SHISAL2A: variants seen among roughly 807,000 people sequenced by gnomAD.
SHISAL2A encodes shisa like 2A.
SHISAL2A carries 18 observed loss-of-function variants against 11.5 expected under a neutral mutation model. The observed-to-expected ratio is 1.57, with a 90% confidence interval of 1.08 to 2.33. The LOEUF is 2.33. Among genes scored for constraint, SHISAL2A ranks in the 30% most tolerant of loss-of-function variants. The pLI, the probability that SHISAL2A is intolerant of heterozygous loss-of-function variation, is 0.00. For missense variants in SHISAL2A, 261 were observed against 250.9 expected (o/e 1.04, Z -0.27); for synonymous variants, 94 against 99.6 (o/e 0.94, Z 0.34).
At chr1:52,665,224 A>C (rs1004229175) in intron 4 of SHISAL2A, among the ~76,000 whole-genome samples, 2 of 152,248 alleles carry the variant, frequency 1.3e-5, no homozygotes, top group Non-Finnish European at 2.9e-5. Flanking sequence ...CAATTGTCAG[A>C]CTGTTCAATT....
chr1:52,654,297 A>C (rs1179136926), intron 2 of SHISAL2A, among the ~76,000 whole-genome samples: 1 of 151,916 alleles, frequency 6.6e-6, no homozygotes, highest in Non-Finnish European at 1.5e-5. Context: ...TAATTCTCAA[A>C]TTTATATATA....
chr1:52,645,075 A>T (rs1271893950), intron 2 of SHISAL2A, among the ~76,000 whole-genome samples: 4 of 151,360 alleles, frequency 2.6e-5, no homozygotes, highest in Non-Finnish European at 5.9e-5. Flanking sequence ...GGCATCGGGG[A>T]GGTAGAAGGG....
At chr1:52,660,425 G>A (rs1691881486), downstream of SHISAL2A, among the ~76,000 whole-genome samples, 1 of 152,184 alleles carries the variant, frequency 6.6e-6, no homozygotes. Context: ...CCCACCCTGT[G>A]TGATAGGAGC....
At chr1:52,644,370 C>T (rs1691446201) in intron 2 of SHISAL2A, among the ~76,000 whole-genome samples, 2 of 152,216 alleles carry the variant, frequency 1.3e-5, no homozygotes, top group Admixed American at 6.5e-5. Flanking sequence ...GTCATTCACA[C>T]TGGGCACCAC....
intron 2 of SHISAL2A, among the ~76,000 whole-genome samples, chr1:52,645,032 AAAGAAG>A (rs1168355517): frequency 5.3e-5 from 8 of 150,976 alleles, no homozygotes; most frequent in East Asian, 3.9e-4. Context: ...AAAAAAAAAA[AAAGAAG>A]AAGAAGAAGA....
At chr1:52,653,286 C>CG (rs1691712272) in intron 2 of SHISAL2A, among the ~76,000 whole-genome samples, 1 of 36,424 alleles carries the variant, frequency 2.7e-5, no homozygotes, top group Admixed American at 4.6e-4. Context: ...CCTGTCTCTA[C>CG]AAAAAAAAAA....
At chr1:52,664,121 G>T (rs1308856311) in intron 4 of SHISAL2A, among the ~76,000 whole-genome samples, 2 of 152,052 alleles carry the variant, frequency 1.3e-5, no homozygotes, top group Non-Finnish European at 1.5e-5. Context: ...CGAAACCTTG[G>T]CATATGGAAA....
chr1:52,633,484 G>C lies in SHISAL2A; in HGVS notation c.-10G>C. 6.7e-7 allele frequency: 1 copy of C among 1,486,188 alleles called. No homozygotes were observed. The highest frequency in any genetic ancestry group is 8.9e-7 in the Non-Finnish European group (1 of 1,124,952). 92.1% of individuals were successfully genotyped at this position (1,486,188 alleles called of 1,614,324 possible). On this transcript the variant is annotated 5_prime_UTR_variant, in exon 1 of 3. Coordinates refer to ENST00000517870, the MANE Select transcript of SHISAL2A (RefSeq NM_001042693.3). This position sits in a 1 kb window ranked among gnomAD's most constrained non-coding sequence, Gnocchi z 6.4. The stretch of plus-strand genomic sequence containing the variant: ...GGCCCGAGGTGGCGGCGGGCTGGGC[G>C]CGGGGCGCGATGAGCGGCGCCTGCA...
chr1:52,658,365 A>G (rs1691840556), downstream of SHISAL2A, among the ~76,000 whole-genome samples: 1 of 152,336 alleles, frequency 6.6e-6, no homozygotes, highest in Non-Finnish European at 1.5e-5. Flanking sequence ...TAAATGACCA[A>G]TGGATGATAA....
chr1:52,655,409 G>A (rs1691767880), intron 2 of SHISAL2A, among the ~76,000 whole-genome samples: 1 of 138,886 alleles, frequency 7.2e-6, no homozygotes, highest in Admixed American at 8.2e-5. Context: ...TTGAGCCCAG[G>A]ACTTCAGGAT....
chr1:52,659,011 TTTGTTG>T (rs1259802810), downstream of SHISAL2A, among the ~76,000 whole-genome samples: 1 of 151,934 alleles, frequency 6.6e-6, no homozygotes, highest in Admixed American at 6.6e-5. Flanking sequence ...TCTTGCTTCA[TTTGTTG>T]TTGTTGGTGG....
At chr1:52,656,650 A>AT in intron 2 of SHISAL2A, 140 bp from the exon 3 acceptor site, 1 of 893,988 alleles carries the variant, frequency 1.1e-6, no homozygotes, top group Non-Finnish European at 1.7e-6. Context: ...TATTGTTAAT[A>AT]AATACATGTT....
intron 1 of SHISAL2A, among the ~76,000 whole-genome samples, chr1:52,636,997 CCA>C (rs1435311777): frequency 6.6e-6 from 1 of 152,166 alleles, no homozygotes; most frequent in Non-Finnish European, 1.5e-5. Flanking sequence ...TTTCCCTCTT[CCA>C]CTAACCCCTT....
At chr1:52,637,288 A>G (rs532103813) in intron 1 of SHISAL2A, among the ~76,000 whole-genome samples, 4 of 152,348 alleles carry the variant, frequency 2.6e-5, no homozygotes, top group Admixed American at 1.3e-4. Flanking sequence ...TAGGGCATCA[A>G]CGTGCTCTGA....
In SHISAL2A at chr1:52,643,050, T is replaced by G. The variant is rs750957119; in HGVS notation, c.322+48T>G. 17 of 1,573,198 alleles carry G rather than the reference T, an allele frequency of 1.1e-5. No individual in the cohort carries two copies. In the Admixed American group the frequency reaches 2.8e-4, roughly 26 times the overall value. On this transcript the variant is annotated intron_variant, in intron 2 of 2. Transcript: ENST00000517870. The stretch of plus-strand genomic sequence containing the variant: ...TCCTTGTATTCGGTAGACTAGCACC[T>G]TTTCAAGGGGGGAGAAATGTAGAAA...
rs61780593 is a variant in SHISAL2A, at chr1:52,633,845, A to G, written c.182+170A>G. On this transcript the variant is annotated intron_variant, in intron 1 of 2. Transcript: ENST00000517870. The surrounding 1 kb of genome is among the most constrained non-coding windows in gnomAD (Gnocchi z 6.4). The stretch of plus-strand genomic sequence containing the variant: ...CCCCGTGAAACCCCATCTCAGCTCG[A>G]TTTCCTCATCCTGACCCCAACCATT... Among the ~76,000 whole-genome samples, 24,072 of 151,422 alleles carry G rather than the reference A, an allele frequency of 0.16. 3,848 individuals are homozygous for G. The highest frequency in any genetic ancestry group is 0.38 in the African/African-American group (15,538 of 41,174).
intron 1 of SHISAL2A, among the ~76,000 whole-genome samples, chr1:52,635,512 G>C (rs1055593442): frequency 5.3e-5 from 8 of 152,094 alleles, no homozygotes; most frequent in Non-Finnish European, 1.0e-4. Context: ...CTGGGTAGGG[G>C]AGCTCACAAG....
At chr1:52,650,310 A>G (rs957055536) in intron 2 of SHISAL2A, among the ~76,000 whole-genome samples, 3 of 152,140 alleles carry the variant, frequency 2.0e-5, no homozygotes, top group Non-Finnish European at 4.4e-5. Context: ...GTAATGGGGG[A>G]CTGGCCACGG....
rs368181809 is a variant in SHISAL2A at position 52,666,793 on chromosome 1, A to C, written n.696-606A>C. Among the ~76,000 whole-genome samples the C allele has an allele frequency of 8.5e-5, 13 of 152,324 alleles. No homozygotes were observed. The South Asian group carries it at 1.7e-3, about 19-fold the overall frequency. On this transcript the variant is annotated intron_variant and non_coding_transcript_variant, in intron 4 of 5. Transcript: ENST00000401050. ...TGGATGTCTCACTGAAATGACAGGGAGACCACAAAGCTAGATGAGAATCAA... is the reference window on the plus strand; with the variant it reads ...TGGATGTCTCACTGAAATGACAGGGCGACCACAAAGCTAGATGAGAATCAA...
Sources: gnomAD v4.1 joint callset for allele counts (sites outside exome capture counted in the v4.1 genomes callset) on GRCh38, gnomAD v4.1.1 for gene constraint, Gnocchi (gnomAD v3.1) non-coding constraint, MANE v1.5 for transcripts, NCBI Gene and HGNC (gene_info 2026-07-23, HGNC 2026-07-21) for gene names.